The following ZZEF1 variants were observed in gnomAD, a reference collection of about 807,000 sequenced individuals.
ZZEF1 encodes zinc finger ZZ-type and EF-hand domain containing 1.
In ZZEF1, 157 loss-of-function variants were observed where a neutral mutation model predicts 342.8. That is an observed-to-expected ratio of 0.46 (90% CI 0.40 to 0.52). The LOEUF (loss-of-function observed/expected upper bound fraction) is 0.52, where lower values mean the gene tolerates loss of function less well. Among genes scored for constraint, ZZEF1 ranks in the 20% least tolerant of loss-of-function variants. The pLI is 0.00. For missense variants in ZZEF1, 3,480 were observed against 3,725.6 expected (o/e 0.93, Z 1.72); for synonymous variants, 1,505 against 1,429.1 (o/e 1.05, Z -1.20).
At chr17:4,118,508 T>C (rs2058433920) in intron 2 of ZZEF1, among the ~76,000 whole-genome samples, 1 of 152,152 alleles carries the variant, frequency 6.6e-6, no homozygotes, top group Admixed American at 6.6e-5. Flanking sequence ...CACCATCAGA[T>C]CTGCTGAGTC....
At chr17:4,072,833 G>A in intron 24 of ZZEF1, 77 bp from the exon 25 acceptor site, 1 of 1,418,712 alleles carries the variant, frequency 7.0e-7, no homozygotes, top group Non-Finnish European at 9.5e-7. Flanking sequence ...AGAAAGAAAA[G>A]GTTAAAAAAA....
intron 11 of ZZEF1, among the ~76,000 whole-genome samples, chr17:4,092,553 C>T (rs1228255050): frequency 6.6e-6 from 1 of 152,094 alleles, no homozygotes; most frequent in Non-Finnish European, 1.5e-5. Flanking sequence ...GTGATCCACC[C>T]GCCTCGGCCT....
chr17:4,088,824 T>C lies in ZZEF1; in HGVS notation c.2095A>G (p.Ile699Val). The change falls in exon 13 of 55, where the codon ATC becomes GTC. Residue 699 changes from isoleucine (I) to valine (V), a missense_variant. Ile to Val is a conservative substitution (Grantham distance 29, BLOSUM62 3). Around this residue, in one of 5 missense-constraint regions of ZZEF1, gnomAD observed 1,528 missense variants for 1,624.1 expected, o/e 0.94. Coordinates refer to ENST00000381638, the MANE Select transcript of ZZEF1 (RefSeq NM_015113.4). The stretch of plus-strand genomic sequence containing the variant: ...CTTGCAGGCCGGAGGTACCCACTGA[T>C]GGTCAAGCCTTGCACTCCCAAGCGC... ...AERLGVQGLTISGYLRPARAE... is the reference protein window; with the variant it reads ...AERLGVQGLTVSGYLRPARAE... 6.2e-7 allele frequency: 1 copy of C among 1,614,182 alleles called. No homozygotes were observed. Among genetic ancestry groups the C allele is most frequent in the Middle Eastern group, 1.6e-4 (1 of 6,062 alleles).
At chr17:4,050,070 C>T (rs912128387) in intron 36 of ZZEF1, among the ~76,000 whole-genome samples, 9 of 152,150 alleles carry the variant, frequency 5.9e-5, no homozygotes, top group Non-Finnish European at 1.0e-4. Flanking sequence ...GCAAGGGATA[C>T]CTGCACTTTA....
Position 4,112,791 on chromosome 17 carries a change from T to G in ZZEF1, c.884A>C (p.Asp295Ala). Residue 295 changes from aspartate (D) to alanine (A), a missense_variant, in exon 5 of 55, where the codon GAT (aspartate) becomes GCT (alanine). By Grantham distance (126) the Asp-to-Ala change is moderately radical (BLOSUM62 -2). Around this residue, in one of 5 missense-constraint regions of ZZEF1, gnomAD observed 92 missense variants for 130.3 expected, o/e 0.71. Coordinates refer to ENST00000381638, the MANE Select transcript of ZZEF1 (RefSeq NM_015113.4). ...AATGGACAGGTGCCTAAGCACAACA[T>G]CTGGCTTCATTTTTAAACTGGAAAA... The part of the protein sequence containing the change: ...SHWIRLKMKP[D>A]VVLRHLSIAV... 1.3e-6 allele frequency: 2 copies of G among 1,571,412 alleles called. No homozygotes were observed. Among genetic ancestry groups the G allele is most frequent in the South Asian group, 2.3e-5 (2 of 86,434 alleles).
Position 4,081,889 on chromosome 17 carries a change from T to C in ZZEF1, c.2715-399A>G, listed in dbSNP as rs1406497955. ...TCCTTGCTACTTGATTCTGAGCACA[T>C]TTTAAACAGACAGCCCTCTAAGTCT... is the stretch of plus-strand genomic sequence containing the variant. On this transcript the variant is annotated intron_variant, in intron 17 of 54. Coordinates refer to ENST00000381638, the MANE Select transcript of ZZEF1 (RefSeq NM_015113.4). 2.0e-5 allele frequency among the ~76,000 whole-genome samples: 3 copies of C among 152,240 alleles called. No individual in the cohort carries two copies. The East Asian group carries it at 5.8e-4, about 29-fold the overall frequency.
chr17:4,087,781 A>AC (rs1195297279), intron 13 of ZZEF1, among the ~76,000 whole-genome samples: 9 of 105,918 alleles, frequency 8.5e-5, no homozygotes, highest in Non-Finnish European at 1.3e-4. Flanking sequence ...ATATATACAC[A>AC]CAACACACAC....
intron 1 of ZZEF1, among the ~76,000 whole-genome samples, chr17:4,133,037 T>C (rs9904787): frequency 0.89 from 134,647 of 152,112 alleles, 61,979 homozygotes; most frequent in East Asian, 1. Context: ...CCTGAGGCCC[T>C]GCGGTGGGAA....
intron 11 of ZZEF1, among the ~76,000 whole-genome samples, chr17:4,092,161 T>C (rs2057957139): frequency 6.6e-6 from 1 of 151,826 alleles, no homozygotes; most frequent in Non-Finnish European, 1.5e-5. Context: ...CCTAAAACTT[T>C]ACACTATTCA....
chr17:4,069,291 C>T (rs1056250068), intron 26 of ZZEF1, among the ~76,000 whole-genome samples: 3 of 152,110 alleles, frequency 2.0e-5, no homozygotes, highest in African/African-American at 7.2e-5. Context: ...TTGACATTCC[C>T]CCCGCCAAAA....
chr17:4,083,938 C>G (rs2057772238), intron 16 of ZZEF1, among the ~76,000 whole-genome samples: 1 of 152,080 alleles, frequency 6.6e-6, no homozygotes, highest in African/African-American at 2.4e-5. Flanking sequence ...TTAAATAATT[C>G]TATTAGTTGC....
intron 11 of ZZEF1, among the ~76,000 whole-genome samples, chr17:4,091,839 G>A (rs1372865851): frequency 1.3e-5 from 2 of 151,772 alleles, no homozygotes; most frequent in East Asian, 3.9e-4. Flanking sequence ...CACTTTGGGA[G>A]GCTGAGGCAG....
At chr17:4,096,285 G>A (rs1035733556) in intron 10 of ZZEF1, among the ~76,000 whole-genome samples, 90 of 151,886 alleles carry the variant, frequency 5.9e-4, no homozygotes, top group African/African-American at 2.0e-3. Context: ...CCAATGACAT[G>A]GTCAGCCATA....
intron 2 of ZZEF1, 35 bp from the exon 3 acceptor site, chr17:4,117,201 G>A (rs776196708): frequency 4.5e-5 from 70 of 1,572,886 alleles, no homozygotes; most frequent in Middle Eastern, 3.9e-4. Context: ...GTGTTTTGGG[G>A]AAGCCACAGT....
chr17:4,039,809 A>G (rs1054705998), intron 39 of ZZEF1, among the ~76,000 whole-genome samples: 2 of 151,718 alleles, frequency 1.3e-5, no homozygotes, highest in Non-Finnish European at 2.9e-5. Context: ...ACGCCTGGCT[A>G]ATTTTTTTGT....
intron 39 of ZZEF1, among the ~76,000 whole-genome samples, chr17:4,035,610 A>T (rs1027732106): frequency 3.3e-5 from 5 of 152,212 alleles, no homozygotes; most frequent in African/African-American, 1.2e-4. Flanking sequence ...AGGAGGGCAA[A>T]AACGCAGAAG....
chr17:4,017,621 C>T lies in ZZEF1; in HGVS notation c.7751G>A (p.Arg2584His), dbSNP rs139983523. The change falls in exon 48 of 55, where the codon CGT becomes CAT. Residue 2584 changes from arginine (R) to histidine (H), a missense_variant. This residue lies in a region of ZZEF1 where 1,269 missense variants were observed against 1,342.4 expected (regional missense o/e 0.95). Transcript: ENST00000381638. The surrounding 1 kb of genome is among the most constrained non-coding windows in gnomAD (Gnocchi z 5.1). ...ELQQSYAKQRRSKSAALLHKE... is the reference protein window; with the variant it reads ...ELQQSYAKQRHSKSAALLHKE... ...GTGCAGGAGGGCGGCGCTCTTGCTA[C>T]GGCGCTGCTTGGCATAGCTCTGCTG... The T allele has an allele frequency of 3.5e-5, 56 of 1,614,074 alleles. No homozygotes were observed. Among genetic ancestry groups the T allele is most frequent in the Admixed American group, 1.3e-4 (8 of 60,002 alleles).
chr17:4,054,547 G>T (rs1486293291), intron 33 of ZZEF1, among the ~76,000 whole-genome samples: 1 of 152,200 alleles, frequency 6.6e-6, no homozygotes, highest in Non-Finnish European at 1.5e-5. Flanking sequence ...AGGGAGGTGG[G>T]CATGTCAGAT....
intron 3 of ZZEF1, 29 bp downstream of exon 3, chr17:4,116,943 T>C: frequency 6.5e-7 from 1 of 1,538,092 alleles, no homozygotes; most frequent in Non-Finnish European, 8.8e-7. Context: ...GATCAGAGTA[T>C]TTTCAGGAGA....
Sources: allele counts gnomAD v4.1 joint callset (sites outside exome capture counted in the v4.1 genomes callset), GRCh38; gene constraint gnomAD v4.1.1; regional missense constraint gnomAD v4.1.1; non-coding constraint Gnocchi (gnomAD v3.1); transcripts MANE v1.5; gene names NCBI Gene and HGNC (gene_info 2026-07-23, HGNC 2026-07-21).